The following MROH6 variants were observed in gnomAD, a reference collection of about 807,000 sequenced individuals.
The protein encoded by MROH6 is maestro heat-like repeat-containing protein family member 6.
MROH6 carries 62 observed loss-of-function variants against 67.7 expected under a neutral mutation model. That is an observed-to-expected ratio of 0.92 (90% CI 0.75 to 1.13). The LOEUF (loss-of-function observed/expected upper bound fraction) is 1.13. Among genes scored for constraint, MROH6 ranks in the 50% most tolerant of loss-of-function variants. The pLI is 0.00. For synonymous variants in MROH6, 566 were observed against 470.8 expected (o/e 1.20, Z -2.62); for missense variants, 1,175 against 1,029.1 (o/e 1.14, Z -1.94).
intron 9 of MROH6, 143 bp downstream of exon 9, chr8:143,569,298 G>C (rs1382883214): frequency 2.0e-6 from 1 of 495,150 alleles, no homozygotes; most frequent in African/African-American, 2.8e-5. Context: ...GCCTGGGAGG[G>C]AGAGACTGGA....
rs1229653068 is a variant in MROH6, at chr8:143,572,596, G to A, written c.119C>T (p.Ser40Phe). ...ARQGQPQGPP[S>F]AGPQPKSWEV... ...CCAGGACTTGGGCTGAGGGCCTGCG[G>A]AAGGGGGTCCCTGGGGCTGCCCCTG... Residue 40 changes from serine to phenylalanine, a missense_variant, in exon 1 of 14, where the codon TCC (serine) becomes TTC (phenylalanine). By Grantham distance (155) the Ser-to-Phe change is radical. Transcript: ENST00000398882. 1.9e-6 allele frequency: 3 copies of A among 1,600,692 alleles called. No individual in the cohort carries two copies. Among genetic ancestry groups the A allele is most frequent in the Non-Finnish European group, 1.7e-6 (2 of 1,175,978 alleles).
chr8:143,568,493 C>CA (rs1823766923), intron 10 of MROH6, 59 bp downstream of exon 10: 1 of 1,464,836 alleles, frequency 6.8e-7, no homozygotes, highest in African/African-American at 1.4e-5. Context: ...AGGGGAGGCA[C>CA]GGTGGGAGTG....
At chr8:143,571,867 G>A (rs745835737) in intron 2 of MROH6, 46 bp from the exon 3 acceptor site, 47 of 1,517,764 alleles carry the variant, frequency 3.1e-5, no homozygotes, top group Non-Finnish European at 3.7e-5. Flanking sequence ...CTCCTCCACC[G>A]TCCATTCCCC....
rs1182741855 is a variant in MROH6, at chr8:143,572,226, C to G, written c.295-41G>C. 23 of 1,601,284 alleles carry G rather than the reference C, an allele frequency of 1.4e-5. No homozygotes were observed. The East Asian group carries it at 5.1e-4, about 36-fold the overall frequency. ...TGGGGCGTCTGAAGTGCCCAAACCT[C>G]TCCTAGCTCTCCTCCTGGTCCCTCG... On this transcript the variant is annotated intron_variant, in intron 1 of 13. Transcript: ENST00000398882.
At position 143,569,477 on chromosome 8, in the gene MROH6, C is replaced by G. The variant is rs1412026818; in HGVS notation, c.1440G>C (p.Ala480=). 4.1e-6 allele frequency: 6 copies of G among 1,474,120 alleles called. No individual in the cohort carries two copies. Among genetic ancestry groups the G allele is most frequent in the Non-Finnish European group, 3.6e-6 (4 of 1,122,304 alleles). 91.3% of individuals were successfully genotyped at this position (1,474,120 alleles called of 1,614,324 possible). ...RPRAPVRLLS[A]ELGPRLPPLL... is the part of the protein sequence containing the mutation. ...GCGGAGGGAGGCGCGGTCCCAGCTC[C>G]GCGCTCAGGAGCCGCACAGGCGCCC... is the stretch of plus-strand genomic sequence containing the variant. The change falls in exon 9 of 14, where the codon GCG becomes GCC. Residue 480 remains alanine (A), a synonymous_variant. Transcript: ENST00000398882.
At position 143,568,215 on chromosome 8, in the gene MROH6, C is replaced by T. The variant is rs1310832416; in HGVS notation, c.1691G>A (p.Gly564Asp). The change falls in exon 11 of 14, where the codon GGC (glycine) becomes GAC (aspartate). Residue 564 changes from glycine (G) to aspartate (D), a missense_variant. Coordinates refer to ENST00000398882, the MANE Select transcript of MROH6 (RefSeq NM_001100878.2). The part of the protein sequence containing the change: ...LARCDHAFCW[G>D]LLEELVTVAH... ...CACGGTGACCAACTCCTCCAGCAGG[C>T]CCCAGCAAAAGGCGTGGTCACAGCG... 1 of 1,611,246 alleles carries T rather than the reference C, an allele frequency of 6.2e-7. No individual in the cohort carries two copies. The highest frequency in any genetic ancestry group is 1.1e-5 in the South Asian group (1 of 90,692).
Position 143,569,599 on chromosome 8 carries a change from T to A in MROH6, c.1318A>T (p.Thr440Ser). Residue 440 changes from threonine to serine, a missense_variant, in exon 9 of 14, where the codon ACG becomes TCG. Coordinates refer to ENST00000398882, the MANE Select transcript of MROH6 (RefSeq NM_001100878.2). ...LNRRKVRHVS[T>S]LLPALLGALG... ...GCGCCCAGGAGCGCCGGCAGCAGCG[T>A]GCTCACGTGCCGCACCTGCTGGGAC... 1 of 1,576,600 alleles carries A rather than the reference T, an allele frequency of 6.3e-7. No individual in the cohort carries two copies. The highest frequency in any genetic ancestry group is 8.6e-7 in the Non-Finnish European group (1 of 1,163,518).
chr8:143,570,754 C>T (rs901332112), intron 4 of MROH6, 97 bp from the exon 5 acceptor site: 75 of 1,443,170 alleles, frequency 5.2e-5, no homozygotes, highest in Non-Finnish European at 6.6e-5. Flanking sequence ...GGGACAGCCT[C>T]AGACACGCAT....
intron 13 of MROH6, 24 bp from the exon 14 acceptor site, chr8:143,567,489 C>A: frequency 4.2e-6 from 6 of 1,433,732 alleles, no homozygotes; most frequent in Non-Finnish European, 5.5e-6. Context: ...GCGGCTCAGG[C>A]TGGGGAGCCC....
chr8:143,567,983 G>T, intron 11 of MROH6, 95 bp from the exon 12 acceptor site: 1 of 1,417,784 alleles, frequency 7.1e-7, no homozygotes, highest in Non-Finnish European at 9.4e-7. Flanking sequence ...TTCCAGGGGA[G>T]CCCCCAGGGC....
rs767332739 is a variant in MROH6 at position 143,569,580 on chromosome 8, A to C, written c.1337T>G (p.Leu446Arg). 6.4e-7 allele frequency: 1 copy of C among 1,565,564 alleles called. No homozygotes were observed. Among genetic ancestry groups the C allele is most frequent in the Admixed American group, 1.8e-5 (1 of 55,348 alleles). The change falls in exon 9 of 14, where the codon CTG (leucine) becomes CGG (arginine). Residue 446 changes from leucine to arginine, a missense_variant. By Grantham distance (102) the Leu-to-Arg change is moderately radical. Transcript: ENST00000398882. ...RHVSTLLPAL[L>R]GALGEGDARL... ...CGCGTCGCCTTCGCCCAGTGCGCCC[A>C]GGAGCGCCGGCAGCAGCGTGCTCAC...
rs372785180 is a variant in MROH6 at position 143,571,792 on chromosome 8, C to T, written c.477G>A (p.Ala159=). Residue 159 remains alanine, a synonymous_variant, in exon 3 of 14, where the codon GCG becomes GCA. Coordinates refer to ENST00000398882, the MANE Select transcript of MROH6 (RefSeq NM_001100878.2). ...TCCCCTCCGCTAGGCTGGGCACCTG[C>T]GCCAGCAGCCCACGCACCAGAGCAT... The part of the protein sequence containing the change: ...QVHALVRGLL[A]QVPSLAEGRP... 14 of 1,547,422 alleles carry T rather than the reference C, an allele frequency of 9.0e-6. No individual in the cohort carries two copies. The highest frequency in any genetic ancestry group is 7.1e-5 in the South Asian group (6 of 84,230).
At chr8:143,567,714 C>G in intron 12 of MROH6, 38 bp from the exon 13 acceptor site, 1 of 1,573,126 alleles carries the variant, frequency 6.4e-7, no homozygotes. Flanking sequence ...GGCCCCACAG[C>G]CCCCCAGGGG....
chr8:143,568,185 T>A lies in MROH6; in HGVS notation c.1721A>T (p.His574Leu). ...GLLEELVTVA[H>L]YDSPEALSHL... is the part of the protein sequence containing the mutation. The stretch of plus-strand genomic sequence containing the variant: ...GCTCAGGGCCTCGGGGCTGTCATAG[T>A]GGGCCACGGTGACCAACTCCTCCAG... The change falls in exon 11 of 14, where the codon CAC (histidine) becomes CTC (leucine). Residue 574 changes from histidine (H) to leucine (L), a missense_variant. Transcript: ENST00000398882. The A allele has an allele frequency of 6.2e-7, 1 of 1,610,616 alleles. No homozygotes were observed. Among genetic ancestry groups the A allele is most frequent in the South Asian group, 1.1e-5 (1 of 90,530 alleles).
Position 143,569,789 on chromosome 8 carries a change from C to A in MROH6, c.1210G>T (p.Glu404Ter), listed in dbSNP as rs770245572. The change falls in exon 8 of 14, where the codon GAG becomes TAG. Residue 404 changes from glutamate (E) to a stop codon, truncating the protein, a stop_gained. Transcript: ENST00000398882. LOFTEE classifies it high-confidence loss of function. ...TCTCCCTGCCAGGTGAGGAGTCGCT[C>A]CAGGATGACCTCCTCCCGCAGGAGC... The part of the protein sequence containing the change: ...ARLLREEVIL[E>*]RLLTWQGDPE... 5.6e-6 allele frequency: 9 copies of A among 1,612,320 alleles called. No homozygotes were observed. Among genetic ancestry groups the A allele is most frequent in the Non-Finnish European group, 5.9e-6 (7 of 1,179,548 alleles).
In MROH6 at chr8:143,569,591, C is replaced by G. The variant is rs1359635810; in HGVS notation, c.1326G>C (p.Leu442=). Residue 442 remains leucine (L), a synonymous_variant, in exon 9 of 14, where the codon CTG becomes CTC. Coordinates refer to ENST00000398882, the MANE Select transcript of MROH6 (RefSeq NM_001100878.2). ...RRKVRHVSTL[L]PALLGALGEG... Reference sequence around the variant, plus strand: ...CGCCCAGTGCGCCCAGGAGCGCCGGCAGCAGCGTGCTCACGTGCCGCACCT... The same window carrying G: ...CGCCCAGTGCGCCCAGGAGCGCCGGGAGCAGCGTGCTCACGTGCCGCACCT... The G allele has an allele frequency of 1.3e-6, 2 of 1,571,016 alleles. No homozygotes were observed. Among genetic ancestry groups the G allele is most frequent in the South Asian group, 1.2e-5 (1 of 85,464 alleles).
Position 143,567,598 on chromosome 8 carries a change from G to T in MROH6, c.1933+13C>A, listed in dbSNP as rs1308783864. ...TCTCCAGGACACCATCCCCTGGCAAGGTGGGGCCTCACCCTGGAACAGGGA... is the reference window on the plus strand; with the variant it reads ...TCTCCAGGACACCATCCCCTGGCAATGTGGGGCCTCACCCTGGAACAGGGA... On this transcript the variant is annotated intron_variant, in intron 13 of 13. Coordinates refer to ENST00000398882, the MANE Select transcript of MROH6 (RefSeq NM_001100878.2). 6.4e-6 allele frequency: 10 copies of T among 1,553,958 alleles called. No individual in the cohort carries two copies. The highest frequency in any genetic ancestry group is 7.0e-6 in the Non-Finnish European group (8 of 1,149,256).
chr8:143,567,288 C>T lies in MROH6; in HGVS notation c.2111G>A (p.Arg704His), dbSNP rs1319082558. 21 of 1,222,256 alleles carry T rather than the reference C, an allele frequency of 1.7e-5. No individual in the cohort carries two copies. Among genetic ancestry groups the T allele is most frequent in the Admixed American group, 8.6e-5 (2 of 23,342 alleles). 75.7% of individuals were successfully genotyped at this position (1,222,256 alleles called of 1,614,324 possible). Reference sequence around the variant, plus strand: ...GCCCCAGCGGCCCGCGACGCTCCGGCGCTGGAAGGGGCTGTCGGCGAAGAC... The same window carrying T: ...GCCCCAGCGGCCCGCGACGCTCCGGTGCTGGAAGGGGCTGTCGGCGAAGAC... Reference protein sequence around the residue: ...PPVFADSPFQRRSVAGRWGCS... With the variant: ...PPVFADSPFQHRSVAGRWGCS... The change falls in exon 14 of 14, where the codon CGC becomes CAC. Residue 704 changes from arginine to histidine, a missense_variant. Arg to His is a conservative substitution (Grantham distance 29). Coordinates refer to ENST00000398882, the MANE Select transcript of MROH6 (RefSeq NM_001100878.2).
rs1427118161 is a variant in MROH6, at chr8:143,569,481, C to A, written c.1436G>T (p.Ser479Ile). 5 of 1,478,176 alleles carry A rather than the reference C, an allele frequency of 3.4e-6. No individual in the cohort carries two copies. Among genetic ancestry groups the A allele is most frequent in the Non-Finnish European group, 4.4e-6 (5 of 1,124,118 alleles). The allele number at this position is 1,478,176 out of a possible 1,614,324, so 91.6% of individuals were successfully genotyped here. ...AGGGAGGCGCGGTCCCAGCTCCGCG[C>A]TCAGGAGCCGCACAGGCGCCCGGGG... ...LRPRAPVRLL[S>I]AELGPRLPPL... The change falls in exon 9 of 14, where the codon AGC becomes ATC. Residue 479 changes from serine (S) to isoleucine (I), a missense_variant. By Grantham distance (142) the Ser-to-Ile change is moderately radical. Coordinates refer to ENST00000398882, the MANE Select transcript of MROH6 (RefSeq NM_001100878.2).
Sources: allele counts gnomAD v4.1 joint callset, GRCh38; gene constraint gnomAD v4.1.1; transcripts MANE v1.5; gene names NCBI Gene and HGNC (gene_info 2026-07-23, HGNC 2026-07-21).